GLRB: variants seen among roughly 807,000 people sequenced by gnomAD.
GLRB encodes glycine receptor subunit beta.
A neutral mutation model predicts 54.2 loss-of-function variants in GLRB; 33 were observed. The ratio of observed to expected loss-of-function variants is 0.61; its 90% CI spans 0.46 to 0.81. GLRB has a LOEUF of 0.81. GLRB is among the 40% of genes least tolerant of loss of function. The pLI, the probability that GLRB is intolerant of heterozygous loss-of-function variation, is 0.00. For missense variants in GLRB, 572 were observed against 584.6 expected (o/e 0.98, Z 0.22); for synonymous variants, 209 against 208.2 (o/e 1.00, Z -0.03).
Position 157,136,476 on chromosome 4 carries a change from G to C in GLRB, c.305G>C (p.Arg102Thr). The part of the protein sequence containing the change: ...GSIQETTMDY[R>T]VNIFLRQKWN... ...CATGTACTTTTTCTTCAGGACTATA[G>C]AGTTAACATCTTCCTGAGACAAAAA... The change falls in exon 5 of 10, where the codon AGA (arginine) becomes ACA (threonine). Residue 102 changes from arginine (R) to threonine (T), a missense_variant. Arg to Thr is a moderately conservative substitution (Grantham distance 71). Transcript: ENST00000264428. 6.3e-7 allele frequency: 1 copy of C among 1,580,448 alleles called. No individual in the cohort carries two copies. Among genetic ancestry groups the C allele is most frequent in the Non-Finnish European group, 8.7e-7 (1 of 1,149,534 alleles).
intron 2 of GLRB, among the ~76,000 whole-genome samples, chr4:157,094,584 G>A (rs555931973): frequency 7.9e-5 from 12 of 152,262 alleles, no homozygotes; most frequent in Admixed American, 2.0e-4. Flanking sequence ...TAGCCTAAAG[G>A]CCAAAAGAGG....
chr4:157,089,488 G>A (rs192047974), intron 2 of GLRB, among the ~76,000 whole-genome samples: 13 of 152,264 alleles, frequency 8.5e-5, no homozygotes, highest in Admixed American at 2.0e-4. Context: ...TTATTACTCA[G>A]TAAGGGCTAG....
chr4:157,169,708 G>A (rs544569499), intron 9 of GLRB, among the ~76,000 whole-genome samples: 20 of 152,072 alleles, frequency 1.3e-4, no homozygotes, highest in Non-Finnish European at 2.6e-4. Context: ...TGTTGTAACT[G>A]TAATTATTTT....
chr4:157,147,304 A>G lies in GLRB; in HGVS notation c.904+3345A>G, dbSNP rs180921761. Among the ~76,000 whole-genome samples the G allele has an allele frequency of 1.2e-4, 19 of 152,336 alleles. No homozygotes were observed. In the East Asian group the frequency reaches 2.5e-3, roughly 20 times the overall value. ...AAAGTCAAGTGAACAAAGTATTTCT[A>G]GGTCAAGAAAGTGACCAACCAACTG... On this transcript the variant is annotated intron_variant, in intron 8 of 9. Transcript: ENST00000264428.
chr4:157,120,349 A>G (rs1239794297), intron 2 of GLRB, among the ~76,000 whole-genome samples: 1 of 151,156 alleles, frequency 6.6e-6, no homozygotes, highest in Non-Finnish European at 1.5e-5. Context: ...TAACCTGCAC[A>G]TTGTGCACAC....
chr4:157,149,323 A>T (rs1579241095), intron 8 of GLRB, among the ~76,000 whole-genome samples: 1 of 152,126 alleles, frequency 6.6e-6, no homozygotes, highest in Admixed American at 6.5e-5. Flanking sequence ...CAAATATCAA[A>T]GATTCCCTGG....
At chr4:157,111,172 G>T (rs1735405296) in intron 2 of GLRB, among the ~76,000 whole-genome samples, 1 of 152,026 alleles carries the variant, frequency 6.6e-6, no homozygotes, top group Admixed American at 6.6e-5. Context: ...AGTAGCACCA[G>T]AAAAAGTTGG....
intron 2 of GLRB, among the ~76,000 whole-genome samples, chr4:157,083,453 A>C (rs1033138808): frequency 6.6e-6 from 1 of 152,156 alleles, no homozygotes; most frequent in Admixed American, 6.5e-5. Flanking sequence ...AGTGAAGTTC[A>C]TGATAAGTGG....
chr4:157,129,852 T>G (rs564190633), intron 4 of GLRB, among the ~76,000 whole-genome samples: 1 of 151,620 alleles, frequency 6.6e-6, no homozygotes, highest in Non-Finnish European at 1.5e-5. Flanking sequence ...TGTTGAGATT[T>G]GAGATCTAGA....
chr4:157,111,954 G>T (rs1235267797), intron 2 of GLRB, among the ~76,000 whole-genome samples: 1 of 151,640 alleles, frequency 6.6e-6, no homozygotes, highest in Non-Finnish European at 1.5e-5. Context: ...CTTGAGTTCT[G>T]TTGGTGCCAC....
At chr4:157,092,920 T>A (rs1355249189) in intron 2 of GLRB, among the ~76,000 whole-genome samples, 3 of 152,184 alleles carry the variant, frequency 2.0e-5, no homozygotes, top group Admixed American at 6.5e-5. Flanking sequence ...GGTAGTAAAA[T>A]GGCTTTCCTA....
chr4:157,116,704 T>A (rs1168429634), intron 2 of GLRB, among the ~76,000 whole-genome samples: 1 of 151,758 alleles, frequency 6.6e-6, no homozygotes, highest in Non-Finnish European at 1.5e-5. Flanking sequence ...ATTTTAGTAT[T>A]GATAAGCTAA....
intron 7 of GLRB, among the ~76,000 whole-genome samples, chr4:157,139,322 AC>A (rs1381066626): frequency 3.3e-5 from 5 of 152,048 alleles, no homozygotes; most frequent in Admixed American, 3.3e-4. Flanking sequence ...ATATATGTTC[AC>A]CCATTGTCTT....
chr4:157,159,406 T>C (rs1484228616), intron 9 of GLRB, among the ~76,000 whole-genome samples: 1 of 152,118 alleles, frequency 6.6e-6, no homozygotes, highest in African/African-American at 2.4e-5. Flanking sequence ...CCCTGTCTTG[T>C]GCCAGTTTTC....
chr4:157,135,986 T>C (rs1201465104), intron 4 of GLRB, among the ~76,000 whole-genome samples: 1 of 152,180 alleles, frequency 6.6e-6, no homozygotes, highest in African/African-American at 2.4e-5. Flanking sequence ...AGATAGGTTT[T>C]AGTCTTAGAC....
intron 9 of GLRB, among the ~76,000 whole-genome samples, chr4:157,155,240 C>T (rs1420458566): frequency 6.6e-6 from 1 of 152,102 alleles, no homozygotes; most frequent in Non-Finnish European, 1.5e-5. Flanking sequence ...GCAATCCTCC[C>T]ACCTAAGCCT....
intron 9 of GLRB, among the ~76,000 whole-genome samples, chr4:157,162,786 G>A (rs534165042): frequency 6.6e-6 from 1 of 152,298 alleles, no homozygotes; most frequent in South Asian, 2.1e-4. Flanking sequence ...AGGAGTCAGG[G>A]ACCCACTTGA....
At chr4:157,112,556 A>C in intron 2 of GLRB, among the ~76,000 whole-genome samples, 1 of 151,908 alleles carries the variant, frequency 6.6e-6, no homozygotes, top group East Asian at 1.9e-4. Flanking sequence ...TTGAGATGAA[A>C]ATTTGCATGA....
In GLRB at chr4:157,080,274, A is replaced by G. The variant is rs569273809; in HGVS notation, c.122+2128A>G. ...ATATACCTGTTAAGCCCACATCTCA[A>G]TATTTTAGATATGTTGAGTAATTAA... is the stretch of plus-strand genomic sequence containing the variant. On this transcript the variant is annotated intron_variant, in intron 2 of 9. Transcript: ENST00000264428. 5.5e-3 allele frequency among the ~76,000 whole-genome samples: 835 copies of G among 152,240 alleles called. 7 individuals are homozygous for G. The highest frequency in any genetic ancestry group is 0.019 in the African/African-American group (785 of 41,540).
Sources: gnomAD v4.1 joint callset for allele counts (sites outside exome capture counted in the v4.1 genomes callset) on GRCh38, gnomAD v4.1.1 for gene constraint, MANE v1.5 for transcripts, NCBI Gene and HGNC (gene_info 2026-07-23, HGNC 2026-07-21) for gene names.